SFT2D1: variants seen among roughly 807,000 people sequenced by gnomAD.
SFT2D1 encodes vesicle transport protein SFT2A.
Under a neutral mutation model 28.1 loss-of-function variants are expected in SFT2D1, and 24 were observed. The ratio of observed to expected loss-of-function variants is 0.85; its 90% CI spans 0.62 to 1.20. The LOEUF is 1.20. Ranked by LOEUF, SFT2D1 falls within the 50% of genes most tolerant of loss-of-function variation. The pLI is 0.00. For synonymous variants in SFT2D1, 82 were observed against 73.7 expected (o/e 1.11, Z -0.58); for missense variants, 181 against 190.9 (o/e 0.95, Z 0.31).
At chr6:166,322,767 A>G in intron 7 of SFT2D1, 90 bp downstream of exon 7, 1 of 1,028,320 alleles carries the variant, frequency 9.7e-7, no homozygotes, top group Non-Finnish European at 1.5e-6. Flanking sequence ...GGGTTTAAAT[A>G]GTATTTTTAT....
intron 7 of SFT2D1, 148 bp downstream of exon 7, chr6:166,322,709 A>AAAAAAAAAAAAAAAAAAAAAAGT: frequency 1.5e-6 from 1 of 684,008 alleles, no homozygotes; most frequent in African/African-American, 1.9e-5. Context: ...AAAAAAAAAA[A>AAAAAAAAAAAAAAAAAAAAAAGT]AAGTATGTTT....
At chr6:166,340,809 A>G (rs1234654593) in intron 1 of SFT2D1, among the ~76,000 whole-genome samples, 1 of 152,252 alleles carries the variant, frequency 6.6e-6, no homozygotes, top group East Asian at 1.9e-4. Flanking sequence ...TGCATCTTGA[A>G]CAATGTCAAA....
chr6:166,324,135 A>T (rs1376908734), intron 6 of SFT2D1: 3 of 163,166 alleles, frequency 1.8e-5, no homozygotes, highest in Non-Finnish European at 4.0e-5. Flanking sequence ...CACAGAGTCA[A>T]CATCAGGATA....
intron 1 of SFT2D1, among the ~76,000 whole-genome samples, chr6:166,336,187 C>A (rs548768724): frequency 2.5e-4 from 38 of 152,206 alleles, no homozygotes; most frequent in African/African-American, 8.7e-4. Context: ...CAGGGTGATG[C>A]CAGGTTCTAC....
At chr6:166,327,861 T>C (rs1778477066) in intron 4 of SFT2D1, among the ~76,000 whole-genome samples, 1 of 152,136 alleles carries the variant, frequency 6.6e-6, no homozygotes, top group Admixed American at 6.5e-5. Context: ...AGTGCAATGG[T>C]GTGATCTTGG....
chr6:166,328,989 A>C (rs2114899596), intron 3 of SFT2D1, among the ~76,000 whole-genome samples: 1 of 152,288 alleles, frequency 6.6e-6, no homozygotes, highest in East Asian at 1.9e-4. Context: ...TTTCTGGCTT[A>C]TCATGTGAAC....
chr6:166,339,960 G>A (rs943290133), intron 1 of SFT2D1, among the ~76,000 whole-genome samples: 3 of 152,020 alleles, frequency 2.0e-5, no homozygotes, highest in African/African-American at 7.2e-5. Context: ...CAGACTTCAC[G>A]TCCACACTGA....
intron 1 of SFT2D1, among the ~76,000 whole-genome samples, chr6:166,341,844 T>A (rs1286011848): frequency 7.3e-6 from 1 of 136,232 alleles, no homozygotes; most frequent in Non-Finnish European, 1.6e-5. Context: ...AAAAAAAAAA[T>A]CTCTTACCAG....
rs192531931 is a variant in SFT2D1 at position 166,324,954 on chromosome 6, C to A, written c.352-359G>T. On this transcript the variant is annotated intron_variant, in intron 5 of 7. Transcript: ENST00000361731. ...GTAAAATCCCACTGAGATCTGTATG[C>A]CCCATGTGAAATTTACTTATTTTAC... Among the ~76,000 whole-genome samples, 397 of 152,152 alleles carry A rather than the reference C, an allele frequency of 2.6e-3. 3 individuals carry two copies. Among genetic ancestry groups the A allele is most frequent in the Non-Finnish European group, 1.9e-3 (131 of 68,002 alleles).
At chr6:166,329,651 A>T in intron 2 of SFT2D1, 62 bp from the exon 3 acceptor site, 1 of 1,310,994 alleles carries the variant, frequency 7.6e-7, no homozygotes, top group Non-Finnish European at 1.1e-6. Context: ...TAAAATATAA[A>T]CGTGCTACTG....
intron 1 of SFT2D1, among the ~76,000 whole-genome samples, chr6:166,336,317 C>A (rs1467037703): frequency 1.3e-5 from 2 of 152,156 alleles, no homozygotes; most frequent in Non-Finnish European, 2.9e-5. Context: ...ATCACCCAAG[C>A]AAAGTCACAG....
chr6:166,332,458 G>A (rs1269120230), intron 1 of SFT2D1, among the ~76,000 whole-genome samples: 2 of 152,182 alleles, frequency 1.3e-5, no homozygotes, highest in African/African-American at 4.8e-5. Flanking sequence ...GTTTCACTAT[G>A]TTGGCCAGGC....
At position 166,331,470 on chromosome 6, in the gene SFT2D1, C is replaced by G. The variant is rs544082950; in HGVS notation, c.64-1223G>C. Reference sequence around the variant, plus strand: ...ATTCTGTAATGAAACATATATCACTCTTTAACACATTTTAAATGTTTTTTA... The same window carrying G: ...ATTCTGTAATGAAACATATATCACTGTTTAACACATTTTAAATGTTTTTTA... On this transcript the variant is annotated intron_variant, in intron 1 of 7. Coordinates refer to ENST00000361731, the MANE Select transcript of SFT2D1 (RefSeq NM_145169.3). 1.6e-4 allele frequency: 24 copies of G among 152,772 alleles called. No individual in the cohort carries two copies. The East Asian group carries it at 4.6e-3, about 29-fold the overall frequency. The allele number at this position is 152,772 out of a possible 1,614,324, so 9.5% of individuals were successfully genotyped here. A position where few individuals can be genotyped will look rare whatever the true frequency, so the allele number is the denominator to read the frequency against.
intron 3 of SFT2D1, 77 bp from the exon 4 acceptor site, chr6:166,328,434 A>G: frequency 1.2e-6 from 1 of 820,322 alleles, no homozygotes; most frequent in Non-Finnish European, 1.8e-6. Flanking sequence ...CTACTTTTTT[A>G]AAAAAGAAGC....
At chr6:166,322,333 G>A (rs1241316343) in intron 7 of SFT2D1, among the ~76,000 whole-genome samples, 1 of 152,166 alleles carries the variant, frequency 6.6e-6, no homozygotes. Context: ...CCACAGAGCT[G>A]CTCCATGTCG....
rs750938885 is a variant in SFT2D1 at position 166,322,817 on chromosome 6, G to T, written c.440+40C>A. On this transcript the variant is annotated intron_variant, in intron 7 of 7. Transcript: ENST00000361731. ...AATTCATATATTTGTGTGAAGATAAGTAAAGAACCAGAAAGAAGACAAGAT... is the reference window on the plus strand; with the variant it reads ...AATTCATATATTTGTGTGAAGATAATTAAAGAACCAGAAAGAAGACAAGAT... 20 of 1,555,726 alleles carry T rather than the reference G, an allele frequency of 1.3e-5. No individual in the cohort carries two copies. In the South Asian group the frequency reaches 1.9e-4, roughly 15 times the overall value.
chr6:166,329,952 AAATT>A (rs900562629), intron 2 of SFT2D1, among the ~76,000 whole-genome samples: 5 of 152,162 alleles, frequency 3.3e-5, no homozygotes, highest in Non-Finnish European at 7.4e-5. Flanking sequence ...CATTTTTCTT[AAATT>A]ATTTCAACTA....
At chr6:166,321,142 C>T (rs563085251) in intron 7 of SFT2D1, among the ~76,000 whole-genome samples, 24 of 151,942 alleles carry the variant, frequency 1.6e-4, no homozygotes, top group African/African-American at 5.5e-4. Context: ...AACTGAGTTT[C>T]AAAACTGTAA....
rs752910451 is a variant in SFT2D1 at position 166,322,927 on chromosome 6, G to T, written c.411-41C>A. 3.2e-6 allele frequency: 5 copies of T among 1,572,608 alleles called. No homozygotes were observed. In the East Asian group the frequency reaches 1.1e-4, roughly 35 times the overall value. On this transcript the variant is annotated intron_variant, in intron 6 of 7. Transcript: ENST00000361731. ...AAGCATGTTGAATCTTCATCTGAAT[G>T]ATGGTTTTCCTTTATGCCAAAAGGC...
Sources: allele counts gnomAD v4.1 joint callset (sites outside exome capture counted in the v4.1 genomes callset), GRCh38; gene constraint gnomAD v4.1.1; transcripts MANE v1.5; gene names NCBI Gene and HGNC (gene_info 2026-07-23, HGNC 2026-07-21).